KSR1: variants seen among roughly 807,000 people sequenced by gnomAD.
KSR1 encodes the protein kinase suppressor of ras.
KSR1 carries 35 observed loss-of-function variants against 92.9 expected under a neutral mutation model. That is an observed-to-expected ratio of 0.38 (90% CI 0.29 to 0.50). The LOEUF (loss-of-function observed/expected upper bound fraction) is 0.50, where lower values mean the gene tolerates loss of function less well. KSR1 is among the 20% of genes least tolerant of loss of function. KSR1 has a pLI of 0.94. For synonymous variants in KSR1, 467 were observed against 472.6 expected, an observed-to-expected ratio of 0.99 and a Z score of 0.15; for missense variants, 972 against 1,158.5, an observed-to-expected ratio of 0.84 and a Z score of 2.34.
At chr17:27,566,970 C>T (rs2072099851) in intron 2 of KSR1, among the ~76,000 whole-genome samples, 1 of 152,116 alleles carries the variant, frequency 6.6e-6, no homozygotes, top group Non-Finnish European at 1.5e-5. Context: ...GTTATAGAGA[C>T]TGTGAGTGCT....
intron 1 of KSR1, among the ~76,000 whole-genome samples, chr17:27,460,290 G>A (rs551787536): frequency 6.6e-6 from 1 of 152,302 alleles, no homozygotes; most frequent in Non-Finnish European, 1.5e-5. Flanking sequence ...ACAAGGGTGT[G>A]TAGAAGCAGA....
intron 1 of KSR1, among the ~76,000 whole-genome samples, chr17:27,513,635 TA>T (rs2069682730): frequency 6.6e-6 from 1 of 152,194 alleles, no homozygotes; most frequent in African/African-American, 2.4e-5. Context: ...AAGCTTTGCT[TA>T]CTGTCCTATG....
At chr17:27,486,569 T>C (rs2068671633) in intron 1 of KSR1, among the ~76,000 whole-genome samples, 1 of 152,158 alleles carries the variant, frequency 6.6e-6, no homozygotes. Context: ...CGTCCACCCA[T>C]CTGGGTGTAC....
At chr17:27,570,289 G>A (rs1007951999) in intron 2 of KSR1, among the ~76,000 whole-genome samples, 6 of 152,214 alleles carry the variant, frequency 3.9e-5, no homozygotes, top group Non-Finnish European at 7.3e-5. Flanking sequence ...CTGGTGGTGG[G>A]TTGAGATGGC....
rs756523728 is a variant in KSR1 at position 27,610,229 on chromosome 17, G to A, written c.2357+31G>A. The A allele has an allele frequency of 6.2e-6, 10 of 1,613,110 alleles. No individual in the cohort carries two copies. In the Admixed American group the frequency reaches 1.7e-4, roughly 27 times the overall value. ...TAGGCCCCTGGTGCCCTGAGGCCAA[G>A]TGTGGCCAAAACAGAGGGCCCTGGT... is the stretch of plus-strand genomic sequence containing the variant. On this transcript the variant is annotated intron_variant, in intron 17 of 20. Transcript: ENST00000644974.
At chr17:27,579,878 CAAAAAAAAAA>C (rs71160198) in intron 3 of KSR1, 183 of 29,614 alleles carry the variant, frequency 6.2e-3, no homozygotes, top group East Asian at 0.022. Context: ...GCTGTCTCAC[CAAAAAAAAAA>C]AAAAAAAAAA....
intron 1 of KSR1, among the ~76,000 whole-genome samples, chr17:27,509,798 C>T (rs1410711830): frequency 2.6e-5 from 4 of 152,180 alleles, no homozygotes; most frequent in African/African-American, 7.2e-5. Flanking sequence ...TGTGTTTGTG[C>T]CATTGCACTC....
At chr17:27,591,079 A>G (rs1052855127) in intron 7 of KSR1, among the ~76,000 whole-genome samples, 185 bp downstream of exon 7, 1 of 152,196 alleles carries the variant, frequency 6.6e-6, no homozygotes, top group African/African-American at 2.4e-5. Context: ...TTGAAGGATG[A>G]ATAGAAGTTT....
At chr17:27,503,533 T>A (rs2069266911) in intron 1 of KSR1, among the ~76,000 whole-genome samples, 1 of 152,194 alleles carries the variant, frequency 6.6e-6, no homozygotes, top group Admixed American at 6.5e-5. Flanking sequence ...AAAATCATAT[T>A]CAGCCTTTTG....
chr17:27,546,769 T>C (rs1449447797), intron 1 of KSR1, among the ~76,000 whole-genome samples: 5 of 152,272 alleles, frequency 3.3e-5, no homozygotes, highest in Non-Finnish European at 7.4e-5. Flanking sequence ...TAAGCCAGGA[T>C]AGGGCACATG....
At chr17:27,501,949 A>C (rs1476120625) in intron 1 of KSR1, among the ~76,000 whole-genome samples, 2 of 152,268 alleles carry the variant, frequency 1.3e-5, no homozygotes, top group Non-Finnish European at 2.9e-5. Context: ...GTAGCAGAGC[A>C]TGCAGACTTT....
chr17:27,568,041 C>T (rs866418348), intron 2 of KSR1, among the ~76,000 whole-genome samples: 2 of 152,230 alleles, frequency 1.3e-5, no homozygotes, highest in African/African-American at 2.4e-5. Flanking sequence ...CGGCCATCTG[C>T]TCAGGGTCTC....
chr17:27,571,361 A>G (rs769328324), intron 2 of KSR1, among the ~76,000 whole-genome samples: 31 of 152,320 alleles, frequency 2.0e-4, no homozygotes, highest in African/African-American at 5.1e-4. Flanking sequence ...ATGAGCCCCA[A>G]TGGTGGGTGC....
chr17:27,511,228 G>T (rs569928014), intron 1 of KSR1, among the ~76,000 whole-genome samples: 8 of 152,370 alleles, frequency 5.3e-5, no homozygotes, highest in Admixed American at 5.2e-4. Flanking sequence ...ACGTGGGGAC[G>T]CCTGGCTGGG....
chr17:27,595,063 C>T (rs1409288613), intron 9 of KSR1, among the ~76,000 whole-genome samples: 1 of 152,228 alleles, frequency 6.6e-6, no homozygotes, highest in Non-Finnish European at 1.5e-5. Context: ...TCAACTATCC[C>T]TGGCCAGTAG....
chr17:27,465,749 C>T (rs1392793376), intron 1 of KSR1, among the ~76,000 whole-genome samples: 4 of 152,094 alleles, frequency 2.6e-5, no homozygotes, highest in South Asian at 2.1e-4. Flanking sequence ...GGCTTTCTTC[C>T]GCATGGCTCC....
chr17:27,618,193 C>G (rs2074117159), intron 19 of KSR1, among the ~76,000 whole-genome samples: 1 of 152,116 alleles, frequency 6.6e-6, no homozygotes, highest in African/African-American at 2.4e-5. Context: ...ACCACAGTCA[C>G]TTGGGTTTAG....
rs551734483 is a variant in KSR1, at chr17:27,517,376, A to C, written c.232-33192A>C. On this transcript the variant is annotated intron_variant, in intron 1 of 20. Transcript: ENST00000644974. ...CAGAGTCTCACTCACTCTATGGCCC[A>C]GGCTGGAGTGCAGTGGCGTGATCTC... Among the ~76,000 whole-genome samples the C allele has an allele frequency of 2.0e-5, 3 of 152,248 alleles. No homozygotes were observed. In the South Asian group the frequency reaches 6.2e-4, roughly 32 times the overall value.
chr17:27,509,525 G>A (rs988292526), intron 1 of KSR1, among the ~76,000 whole-genome samples: 4 of 151,866 alleles, frequency 2.6e-5, no homozygotes, highest in East Asian at 3.9e-4. Flanking sequence ...TCCTGACCTC[G>A]TGATCTGCCC....
Sources: allele counts gnomAD v4.1 joint callset (sites outside exome capture counted in the v4.1 genomes callset), GRCh38; gene constraint gnomAD v4.1.1; transcripts MANE v1.5; gene names NCBI Gene and HGNC (gene_info 2026-07-23, HGNC 2026-07-21).